ATL3: variants seen among roughly 807,000 people sequenced by gnomAD.
ATL3 encodes atlastin-3.
A neutral mutation model predicts 69.5 loss-of-function variants in ATL3; 49 were observed. The observed-to-expected ratio is 0.71, with a 90% CI of 0.56 to 0.89. ATL3 has a LOEUF of 0.89. ATL3 is among the 40% of genes least tolerant of loss of function. The pLI is 0.00. For missense variants in ATL3, 606 were observed against 645.7 expected (o/e 0.94, Z 0.67); for synonymous variants, 214 against 224.1 (o/e 0.95, Z 0.40).
At chr11:63,663,338 C>A (rs926356122) in intron 1 of ATL3, among the ~76,000 whole-genome samples, 19 of 152,182 alleles carry the variant, frequency 1.2e-4, no homozygotes, top group Non-Finnish European at 1.6e-4. Flanking sequence ...CCACATTAGT[C>A]TCAAACTCCT....
intron 1 of ATL3, among the ~76,000 whole-genome samples, chr11:63,660,653 C>T (rs1400181233): frequency 6.6e-6 from 1 of 152,008 alleles, no homozygotes; most frequent in Non-Finnish European, 1.5e-5. Context: ...ACATATAGTC[C>T]CAGCTACTTG....
chr11:63,655,710 G>A (rs1252745550), intron 3 of ATL3, among the ~76,000 whole-genome samples: 11 of 151,846 alleles, frequency 7.2e-5, no homozygotes, highest in Admixed American at 7.2e-4. Flanking sequence ...GCCTCCCAAA[G>A]TGTGAGATTA....
chr11:63,641,129 GC>G (rs1274783853), intron 8 of ATL3, among the ~76,000 whole-genome samples: 1 of 152,038 alleles, frequency 6.6e-6, no homozygotes, highest in Non-Finnish European at 1.5e-5. Flanking sequence ...TTTTGGACTT[GC>G]CTTTTCATGT....
At chr11:63,638,606 G>A (rs1029836216) in intron 8 of ATL3, among the ~76,000 whole-genome samples, 7 of 152,122 alleles carry the variant, frequency 4.6e-5, no homozygotes, top group African/African-American at 1.7e-4. Flanking sequence ...TCGGGAGGAT[G>A]TGGCACAAGA....
At chr11:63,642,724 T>C (rs1173866086) in intron 8 of ATL3, among the ~76,000 whole-genome samples, 1 of 152,232 alleles carries the variant, frequency 6.6e-6, no homozygotes, top group Non-Finnish European at 1.5e-5. Context: ...GGAGCATAAA[T>C]ATCAAAGTAC....
intron 6 of ATL3, among the ~76,000 whole-genome samples, chr11:63,645,895 G>A (rs966664858): frequency 6.6e-6 from 1 of 151,934 alleles, no homozygotes; most frequent in African/African-American, 2.4e-5. Flanking sequence ...AGCCTCCTGA[G>A]TAGCTAAGAT....
intron 1 of ATL3, among the ~76,000 whole-genome samples, chr11:63,668,252 T>C (rs1024279490): frequency 3.9e-5 from 6 of 152,206 alleles, no homozygotes; most frequent in Non-Finnish European, 5.9e-5. Flanking sequence ...GCTGGCAGTC[T>C]TTAAGGTTTC....
intron 1 of ATL3, chr11:63,670,409 G>C (rs928095371): frequency 2.0e-5 from 3 of 152,182 alleles, no homozygotes; most frequent in Non-Finnish European, 1.5e-5. Context: ...CTTCGTATTT[G>C]AATTTGAGAA....
At chr11:63,656,332 C>T (rs1405681373) in intron 3 of ATL3, among the ~76,000 whole-genome samples, 1 of 151,556 alleles carries the variant, frequency 6.6e-6, no homozygotes, top group Non-Finnish European at 1.5e-5. Flanking sequence ...CCTATGTACC[C>T]ACGAAAATAA....
At position 63,655,441 on chromosome 11, in the gene ATL3, G is replaced by A. The variant is rs151287603; in HGVS notation, c.406-2866C>T. Among the ~76,000 whole-genome samples the A allele has an allele frequency of 8.3e-3, 1,222 of 147,458 alleles. 13 individuals are homozygous for A. The highest frequency in any genetic ancestry group is 0.029 in the African/African-American group (1,145 of 40,008). ...GCTGGGAATACAGGCGTGAGCCACCGCATCTGGCCTTTTTTTTTTTTTTTA... is the reference window on the plus strand; with the variant it reads ...GCTGGGAATACAGGCGTGAGCCACCACATCTGGCCTTTTTTTTTTTTTTTA... On this transcript the variant is annotated intron_variant, in intron 3 of 12. Transcript: ENST00000398868.
chr11:63,667,639 C>T (rs1040146589), intron 1 of ATL3, among the ~76,000 whole-genome samples: 2 of 151,950 alleles, frequency 1.3e-5, no homozygotes, highest in African/African-American at 4.8e-5. Flanking sequence ...TGGTGCATGA[C>T]TGCAGTCCCA....
chr11:63,670,643 A>G (rs1393752145), intron 1 of ATL3: 2 of 152,258 alleles, frequency 1.3e-5, no homozygotes, highest in Non-Finnish European at 2.9e-5. Flanking sequence ...TACTGTGCCA[A>G]AAGCACTAAC....
At chr11:63,644,382 CTTTTTTTTT>C in intron 6 of ATL3, 121 bp from the exon 7 acceptor site, 2 of 345,020 alleles carry the variant, frequency 5.8e-6, no homozygotes, top group Non-Finnish European at 1.0e-5. Context: ...AAGGATTTAC[CTTTTTTTTT>C]TTTTTTTTTT....
chr11:63,645,738 T>G (rs1325875548), intron 6 of ATL3, among the ~76,000 whole-genome samples: 1 of 151,868 alleles, frequency 6.6e-6, no homozygotes, highest in East Asian at 1.9e-4. Context: ...ACTACAGGCG[T>G]GCACGACCTT....
intron 6 of ATL3, among the ~76,000 whole-genome samples, chr11:63,645,613 G>A (rs1271747683): frequency 6.6e-6 from 1 of 151,928 alleles, no homozygotes; most frequent in Non-Finnish European, 1.5e-5. Context: ...TTTGTGTTGA[G>A]ACGGTCTTGC....
chr11:63,654,452 C>A (rs9734158), intron 3 of ATL3, among the ~76,000 whole-genome samples: 2,701 of 152,024 alleles, frequency 0.018, 72 homozygotes, highest in African/African-American at 0.062. Context: ...GGTTGGAGTA[C>A]AATGGCACGA....
chr11:63,660,020 A>G (rs1165187663), intron 1 of ATL3, among the ~76,000 whole-genome samples: 3 of 151,896 alleles, frequency 2.0e-5, no homozygotes, highest in African/African-American at 7.2e-5. Flanking sequence ...CCTAAAACTT[A>G]AAGTATAATA....
intron 9 of ATL3, among the ~76,000 whole-genome samples, chr11:63,635,879 G>GTC (rs1258103644): frequency 1.4e-5 from 2 of 148,016 alleles, no homozygotes; most frequent in South Asian, 2.2e-4. Flanking sequence ...CCTTGAGGTA[G>GTC]TCGTGTCACA....
intron 8 of ATL3, among the ~76,000 whole-genome samples, chr11:63,642,743 G>A (rs1476653704): frequency 6.6e-6 from 1 of 152,196 alleles, no homozygotes; most frequent in Non-Finnish European, 1.5e-5. Flanking sequence ...ACCTAGCATA[G>A]TGTTGCAAAC....
Sources: allele counts gnomAD v4.1 joint callset (sites outside exome capture counted in the v4.1 genomes callset), GRCh38; gene constraint gnomAD v4.1.1; transcripts MANE v1.5; gene names NCBI Gene and HGNC (gene_info 2026-07-23, HGNC 2026-07-21).